Variants in SMYD3 observed in about 807,000 individuals in gnomAD.
SMYD3 encodes SET and MYND domain containing 3.
In SMYD3, 36 loss-of-function variants were observed where a neutral mutation model predicts 57.7. The ratio of observed to expected loss-of-function variants is 0.62; its 90% confidence interval spans 0.48 to 0.82. SMYD3 has a LOEUF of 0.82. SMYD3 is among the 40% of genes least tolerant of loss of function. The pLI, the probability that SMYD3 is intolerant of heterozygous loss-of-function variation, is 0.00. For missense variants in SMYD3, 515 were observed against 538.8 expected (o/e 0.96, Z 0.44); for synonymous variants, 211 against 195.0 (o/e 1.08, Z -0.68).
At chr1:246,200,273 G>A (rs940214092) in intron 5 of SMYD3, among the ~76,000 whole-genome samples, 42 of 151,138 alleles carry the variant, frequency 2.8e-4, no homozygotes, top group South Asian at 4.2e-4. Context: ...CAGTGTAGAC[G>A]CTGAGCGAGA....
chr1:246,298,657 A>C (rs1244243772), intron 5 of SMYD3, among the ~76,000 whole-genome samples: 1 of 152,160 alleles, frequency 6.6e-6, no homozygotes. Flanking sequence ...ATCTTTATAT[A>C]ATGATGATGA....
intron 5 of SMYD3, among the ~76,000 whole-genome samples, chr1:246,030,826 G>A (rs1219312784): frequency 6.6e-6 from 1 of 152,102 alleles, no homozygotes; most frequent in Non-Finnish European, 1.5e-5. Context: ...TAAGCCTCTT[G>A]ACTACAGTTT....
chr1:246,062,945 A>G (rs548828875), intron 5 of SMYD3, among the ~76,000 whole-genome samples: 2 of 152,354 alleles, frequency 1.3e-5, no homozygotes, highest in South Asian at 4.1e-4. Flanking sequence ...GAAAACTTAC[A>G]GCAGAATGCA....
At chr1:246,472,459 T>C (rs1459534586) in intron 1 of SMYD3, among the ~76,000 whole-genome samples, 1 of 152,162 alleles carries the variant, frequency 6.6e-6, no homozygotes, top group Non-Finnish European at 1.5e-5. Context: ...AAATGGCAAA[T>C]AGGCTGGGCA....
intron 5 of SMYD3, among the ~76,000 whole-genome samples, chr1:246,144,766 G>C (rs979777900): frequency 6.6e-6 from 1 of 152,126 alleles, no homozygotes; most frequent in African/African-American, 2.4e-5. Flanking sequence ...AAGACCTTTG[G>C]AAAACTGCTG....
chr1:246,326,262 G>A, intron 5 of SMYD3: 1 of 506,590 alleles, frequency 2.0e-6, no homozygotes, highest in South Asian at 3.5e-5. Context: ...TTATTAAATT[G>A]TGATCAACAT....
intron 5 of SMYD3, among the ~76,000 whole-genome samples, chr1:246,251,358 G>A (rs1426022592): frequency 6.6e-6 from 1 of 152,228 alleles, no homozygotes; most frequent in Non-Finnish European, 1.5e-5. Context: ...GTGTTATTTT[G>A]TAATCGGGGC....
chr1:246,144,977 T>G (rs3845512), intron 5 of SMYD3, among the ~76,000 whole-genome samples: 127,841 of 152,222 alleles, frequency 0.84, 54,308 homozygotes, highest in Admixed American at 0.89. Flanking sequence ...CCTAATAGTT[T>G]TGTATAGTGG....
intron 10 of SMYD3, among the ~76,000 whole-genome samples, chr1:245,778,502 G>A (rs1388595852): frequency 6.6e-6 from 1 of 152,132 alleles, no homozygotes; most frequent in African/African-American, 2.4e-5. Context: ...GGTGTGAAGT[G>A]CTATCTCACT....
At chr1:245,797,985 A>C (rs2047624142) in intron 10 of SMYD3, among the ~76,000 whole-genome samples, 2 of 152,172 alleles carry the variant, frequency 1.3e-5, no homozygotes, top group Non-Finnish European at 2.9e-5. Context: ...TTTTGGGTTG[A>C]GGTACAGAAA....
At chr1:246,471,035 T>C (rs772813903) in intron 1 of SMYD3, among the ~76,000 whole-genome samples, 23 of 152,154 alleles carry the variant, frequency 1.5e-4, no homozygotes, top group Non-Finnish European at 2.5e-4. Context: ...TAAATAAATA[T>C]GATAAAGCCA....
At chr1:246,299,376 G>A (rs545242716) in intron 5 of SMYD3, among the ~76,000 whole-genome samples, 10 of 152,040 alleles carry the variant, frequency 6.6e-5, no homozygotes, top group Non-Finnish European at 1.2e-4. Flanking sequence ...AAAAAGGAAC[G>A]CTTACAAACT....
chr1:245,793,912 G>T (rs2047411253), intron 10 of SMYD3, among the ~76,000 whole-genome samples: 1 of 151,924 alleles, frequency 6.6e-6, no homozygotes. Flanking sequence ...GATTAATGTG[G>T]TCTTGATATA....
chr1:246,095,128 C>G (rs562839957), intron 5 of SMYD3, among the ~76,000 whole-genome samples: 7 of 152,118 alleles, frequency 4.6e-5, no homozygotes, highest in Non-Finnish European at 8.8e-5. Context: ...TCAATGATGC[C>G]CAGCACTGGA....
At chr1:246,427,916 A>G (rs191021730) in intron 1 of SMYD3, among the ~76,000 whole-genome samples, 1 of 152,348 alleles carries the variant, frequency 6.6e-6, no homozygotes, top group East Asian at 1.9e-4. Flanking sequence ...TAAAAGGTTA[A>G]AAGATTCTTA....
chr1:245,882,446 C>CA (rs1245891184), intron 8 of SMYD3, among the ~76,000 whole-genome samples: 4 of 152,168 alleles, frequency 2.6e-5, no homozygotes, highest in African/African-American at 9.7e-5. Flanking sequence ...TGGCTTGAAT[C>CA]ACTACAATGA....
At chr1:245,806,733 AC>A (rs1290175610) in intron 10 of SMYD3, among the ~76,000 whole-genome samples, 9 of 151,094 alleles carry the variant, frequency 6.0e-5, no homozygotes, top group Admixed American at 4.6e-4. Context: ...ACAAGGTGAA[AC>A]CCCGTCTCTA....
chr1:245,834,806 G>T (rs2050024167), intron 10 of SMYD3, among the ~76,000 whole-genome samples: 1 of 152,106 alleles, frequency 6.6e-6, no homozygotes, highest in South Asian at 2.1e-4. Flanking sequence ...GTCTTTTAGG[G>T]TATGGGGTTA....
In SMYD3 at chr1:245,842,277, G is replaced by A. The variant is rs1033468248; in HGVS notation, c.1076+16219C>T. ...ACTTAGTAGACAGGGCTACTAAATC[G>A]TCATGGGTAAATGTGCATATCTGAA... On this transcript the variant is annotated intron_variant, in intron 10 of 11. Transcript: ENST00000490107. Among the ~76,000 whole-genome samples, 8 of 152,192 alleles carry A rather than the reference G, an allele frequency of 5.3e-5. No individual in the cohort carries two copies. In the East Asian group the frequency reaches 9.6e-4, roughly 18 times the overall value.
Sources: gnomAD v4.1 joint callset for allele counts (sites outside exome capture counted in the v4.1 genomes callset) on GRCh38, gnomAD v4.1.1 for gene constraint, MANE v1.5 for transcripts, NCBI Gene and HGNC (gene_info 2026-07-23, HGNC 2026-07-21) for gene names.